CNTN5: variants seen among roughly 807,000 people sequenced by gnomAD.
The protein encoded by CNTN5 is contactin-5.
In CNTN5, 77 loss-of-function variants were observed where a neutral mutation model predicts 129.1. That is an observed-to-expected ratio of 0.60 (90% CI 0.50 to 0.72). The LOEUF (loss-of-function observed/expected upper bound fraction) is 0.72. CNTN5 is among the 30% of genes least tolerant of loss of function. The pLI is 0.00. For missense variants in CNTN5, 1,478 were observed against 1,328.8 expected (o/e 1.11, Z -1.75); for synonymous variants, 509 against 465.6 (o/e 1.09, Z -1.20).
intron 8 of CNTN5, among the ~76,000 whole-genome samples, chr11:99,999,894 A>G (rs1468660696): frequency 6.6e-6 from 1 of 152,022 alleles, no homozygotes; most frequent in Admixed American, 6.6e-5. Context: ...ATTCTCAGTA[A>G]ACTGTCGCAA....
chr11:99,379,914 CAT>C (rs1013848199), intron 2 of CNTN5, among the ~76,000 whole-genome samples: 11 of 151,826 alleles, frequency 7.2e-5, no homozygotes, highest in African/African-American at 2.7e-4. Context: ...TTTAAATACA[CAT>C]ATATGTGTAT....
intron 2 of CNTN5, among the ~76,000 whole-genome samples, chr11:99,527,338 A>G (rs1947525069): frequency 6.6e-6 from 1 of 152,222 alleles, no homozygotes; most frequent in African/African-American, 2.4e-5. Context: ...GAGTATAGGC[A>G]TGAGGGATAT....
intron 9 of CNTN5, among the ~76,000 whole-genome samples, chr11:100,029,534 G>A (rs1941597837): frequency 6.6e-6 from 1 of 152,016 alleles, no homozygotes; most frequent in African/African-American, 2.4e-5. Context: ...AGTGAGCCGA[G>A]ATGGCGCCAC....
chr11:100,224,736 G>A lies in CNTN5; in HGVS notation c.1929G>A (p.Met643Ile), dbSNP rs754531088. ...ADLMIRNILL[M>I]HAGRYGCRVQ... is the part of the protein sequence containing the mutation. ...TAATGATCAGGAACATCCTTCTGAT[G>A]CATGCTGGGAGATATGGCTGCAGGG... is the stretch of plus-strand genomic sequence containing the variant. Residue 643 changes from methionine (M) to isoleucine (I), a missense_variant, in exon 16 of 25, where the codon ATG (methionine) becomes ATA (isoleucine). By Grantham distance (10) the Met-to-Ile change is conservative. Coordinates refer to ENST00000524871, the MANE Select transcript of CNTN5 (RefSeq NM_014361.4). 1 of 1,612,570 alleles carries A rather than the reference G, an allele frequency of 6.2e-7. No individual in the cohort carries two copies. Among genetic ancestry groups the A allele is most frequent in the Non-Finnish European group, 8.5e-7 (1 of 1,178,796 alleles).
intron 6 of CNTN5, among the ~76,000 whole-genome samples, chr11:99,848,875 G>A (rs1731308867): frequency 6.6e-6 from 1 of 152,172 alleles, no homozygotes; most frequent in South Asian, 2.1e-4. Context: ...AGTTTTGATT[G>A]CCTCTTTCAA....
chr11:99,211,231 G>C (rs558016169), intron 1 of CNTN5, among the ~76,000 whole-genome samples: 51 of 151,824 alleles, frequency 3.4e-4, no homozygotes, highest in Non-Finnish European at 4.4e-4. Context: ...CTCTTTCTTT[G>C]TTTAGTCACT....
At chr11:100,181,769 A>T (rs762153011) in intron 13 of CNTN5, among the ~76,000 whole-genome samples, 8 of 152,050 alleles carry the variant, frequency 5.3e-5, no homozygotes, top group Non-Finnish European at 7.4e-5. Flanking sequence ...TAAATACTTT[A>T]AAAAAGCACC....
intron 13 of CNTN5, among the ~76,000 whole-genome samples, chr11:100,143,906 C>G (rs1050591785): frequency 3.3e-5 from 5 of 152,100 alleles, no homozygotes; most frequent in Non-Finnish European, 7.4e-5. Flanking sequence ...AACTTGTAAA[C>G]AGTCCAAAGG....
At position 99,034,755 on chromosome 11, in the gene CNTN5, G is replaced by A. The variant is rs981277338; in HGVS notation, c.-210+13485G>A. On this transcript the variant is annotated intron_variant, in intron 1 of 24. Coordinates refer to ENST00000524871, the MANE Select transcript of CNTN5 (RefSeq NM_014361.4). ...TCATTAATTTTTTGAAGGGTTTTTTGCATCTCTATTTCCTTCAGTTCTGCT... is the reference window on the plus strand; with the variant it reads ...TCATTAATTTTTTGAAGGGTTTTTTACATCTCTATTTCCTTCAGTTCTGCT... Among the ~76,000 whole-genome samples the A allele has an allele frequency of 1.1e-3, 166 of 152,008 alleles. 1 individual carries two copies. Among genetic ancestry groups the A allele is most frequent in the African/African-American group, 3.9e-3 (163 of 41,474 alleles).
chr11:100,346,933 G>A (rs1480160034), intron 23 of CNTN5, among the ~76,000 whole-genome samples: 1 of 152,126 alleles, frequency 6.6e-6, no homozygotes, highest in East Asian at 1.9e-4. Context: ...GACAAGAGAA[G>A]AGAACTTGTG....
intron 9 of CNTN5, among the ~76,000 whole-genome samples, chr11:100,053,846 A>G (rs11222556): frequency 0.14 from 21,968 of 151,738 alleles, 1,643 homozygotes; most frequent in Non-Finnish European, 0.16. Context: ...AAACTGTAGC[A>G]TATCCATATA....
chr11:99,316,976 C>A (rs574207505), intron 1 of CNTN5, among the ~76,000 whole-genome samples: 1 of 152,208 alleles, frequency 6.6e-6, no homozygotes, highest in Non-Finnish European at 1.5e-5. Context: ...GCTGCGATGC[C>A]AGTGGTAGAA....
At chr11:99,589,830 G>A (rs570302708) in intron 3 of CNTN5, among the ~76,000 whole-genome samples, 9 of 152,276 alleles carry the variant, frequency 5.9e-5, no homozygotes, top group African/African-American at 2.2e-4. Context: ...AGTATAAAAT[G>A]AGCTTCCTAT....
intron 2 of CNTN5, among the ~76,000 whole-genome samples, chr11:99,444,729 G>A (rs1033585388): frequency 9.2e-5 from 14 of 151,772 alleles, no homozygotes; most frequent in African/African-American, 2.9e-4. Context: ...TATATATTTG[G>A]CCTGTGTGTA....
At chr11:99,099,657 T>C (rs1410292129) in intron 1 of CNTN5, among the ~76,000 whole-genome samples, 1 of 152,082 alleles carries the variant, frequency 6.6e-6, no homozygotes, top group African/African-American at 2.4e-5. Flanking sequence ...TCCCACTTCC[T>C]AGTTAAGTTG....
At chr11:99,141,916 T>C (rs1859533562) in intron 1 of CNTN5, among the ~76,000 whole-genome samples, 1 of 152,178 alleles carries the variant, frequency 6.6e-6, no homozygotes, top group African/African-American at 2.4e-5. Context: ...ACGTGGCCAA[T>C]TTTAGAGTAT....
At chr11:99,284,165 T>C (rs1565461501) in intron 1 of CNTN5, among the ~76,000 whole-genome samples, 3 of 152,138 alleles carry the variant, frequency 2.0e-5, no homozygotes, top group Admixed American at 6.6e-5. Context: ...GCTAGTCTCA[T>C]ACTAGAGGTG....
At chr11:99,091,565 A>T (rs996264357) in intron 1 of CNTN5, among the ~76,000 whole-genome samples, 1 of 152,214 alleles carries the variant, frequency 6.6e-6, no homozygotes, top group Non-Finnish European at 1.5e-5. Context: ...AGCTGGAATC[A>T]TAGTGAGGCT....
At chr11:99,969,994 T>C (rs1347310456) in intron 8 of CNTN5, among the ~76,000 whole-genome samples, 1 of 152,216 alleles carries the variant, frequency 6.6e-6, no homozygotes, top group African/African-American at 2.4e-5. Flanking sequence ...GCAGCTGACA[T>C]TTGTGCTATT....
Sources: gnomAD v4.1 joint callset for allele counts (sites outside exome capture counted in the v4.1 genomes callset) on GRCh38, gnomAD v4.1.1 for gene constraint, MANE v1.5 for transcripts, NCBI Gene and HGNC (gene_info 2026-07-23, HGNC 2026-07-21) for gene names.